Variants in CBLN2 observed in about 807,000 individuals in gnomAD.
The protein encoded by CBLN2 is cerebellin-2.
In CBLN2, 7 loss-of-function variants were observed where a neutral mutation model predicts 15.0. That is an observed-to-expected ratio of 0.47 (90% CI 0.27 to 0.88). CBLN2 has a LOEUF of 0.88. Ranked by LOEUF, CBLN2 falls within the 40% of genes least tolerant of loss-of-function variation. CBLN2 has a pLI of 0.14. For missense variants in CBLN2, 242 were observed against 304.5 expected, an observed-to-expected ratio of 0.79 and a Z score of 1.53; for synonymous variants, 149 against 135.2, an observed-to-expected ratio of 1.10 and a Z score of -0.71.
At chr18:72,618,503 G>A in intron 1 of CBLN2, 2 of 679,154 alleles carry the variant, frequency 2.9e-6, no homozygotes, top group Non-Finnish European at 5.5e-6. Flanking sequence ...CACACAAGGT[G>A]GATGCAAGAG....
intron 1 of CBLN2, among the ~76,000 whole-genome samples, chr18:72,616,191 C>T (rs1040072707): frequency 8.5e-5 from 13 of 152,144 alleles, no homozygotes; most frequent in African/African-American, 2.7e-4. Context: ...TAATATATGA[C>T]CACCCTGCTC....
intron 1 of CBLN2, among the ~76,000 whole-genome samples, chr18:72,594,444 C>G (rs1599015221): frequency 7.2e-6 from 1 of 139,666 alleles, no homozygotes; most frequent in Non-Finnish European, 1.6e-5. Flanking sequence ...CTGTAGTTCT[C>G]TTTTTTTTTT....
intron 1 of CBLN2, among the ~76,000 whole-genome samples, chr18:72,621,142 T>C (rs752655367): frequency 9.9e-5 from 15 of 152,174 alleles, no homozygotes; most frequent in Non-Finnish European, 2.1e-4. Context: ...TTGCCTGGGT[T>C]AGACAACAGC....
At chr18:72,550,589 G>T (rs2069185920) in intron 1 of CBLN2, among the ~76,000 whole-genome samples, 1 of 152,148 alleles carries the variant, frequency 6.6e-6, no homozygotes, top group Non-Finnish European at 1.5e-5. Flanking sequence ...CCTAGACGTT[G>T]AAGCCTAAGC....
At chr18:72,623,803 C>T (rs1171963698) in intron 1 of CBLN2, among the ~76,000 whole-genome samples, 1 of 152,116 alleles carries the variant, frequency 6.6e-6, no homozygotes, top group African/African-American at 2.4e-5. Flanking sequence ...AGAAGTGCTG[C>T]GGCATGACAA....
intron 1 of CBLN2, among the ~76,000 whole-genome samples, chr18:72,575,618 G>A (rs1421236948): frequency 6.6e-6 from 1 of 152,152 alleles, no homozygotes; most frequent in African/African-American, 2.4e-5. Flanking sequence ...GAGGGCTGCC[G>A]GAGAAGCCGG....
At chr18:72,624,204 T>TC (rs1394871607) in intron 1 of CBLN2, among the ~76,000 whole-genome samples, 1 of 151,996 alleles carries the variant, frequency 6.6e-6, no homozygotes, top group African/African-American at 2.4e-5. Flanking sequence ...CCCCTTCTTT[T>TC]TTTTTTTTTA....
chr18:72,578,182 GTAATCT>G (rs1696775591), intron 1 of CBLN2, among the ~76,000 whole-genome samples: 1 of 152,174 alleles, frequency 6.6e-6, no homozygotes, highest in South Asian at 2.1e-4. Context: ...AATGGTAGGT[GTAATCT>G]TAAAGTGTTT....
chr18:72,603,311 A>G (rs1014400003), intron 1 of CBLN2, among the ~76,000 whole-genome samples: 34 of 152,382 alleles, frequency 2.2e-4, no homozygotes, highest in Admixed American at 1.8e-3. Flanking sequence ...AATAACTGAA[A>G]TCATCAGAAT....
rs1485752076 is a variant in CBLN2 at position 72,544,204 on chromosome 18, G to GA, written c.-440_-439insT. ...ACTGGGATGGCTGGGACGAAGAGAG[G>GA]GAAAAAAAAAGCTTGAGAATTTGAT... On this transcript the variant is annotated 5_prime_UTR_variant, in exon 1 of 5. Transcript: ENST00000269503. 154 of 151,994 alleles carry GA rather than the reference G, an allele frequency of 1.0e-3. No individual in the cohort carries two copies. The highest frequency in any genetic ancestry group is 3.6e-3 in the African/African-American group (150 of 41,490). The allele number at this position is 151,994 out of a possible 1,614,324, so 9.4% of individuals were successfully genotyped here. A position where few individuals can be genotyped will look rare whatever the true frequency, so the allele number is the denominator to read the frequency against.
chr18:72,594,031 GAACAGA>G (rs1184495762), intron 1 of CBLN2, among the ~76,000 whole-genome samples: 1 of 152,098 alleles, frequency 6.6e-6, no homozygotes, highest in East Asian at 1.9e-4. Context: ...ACTAACACAG[GAACAGA>G]AAACCAAATA....
At chr18:72,625,558 T>C (rs2069730451) in intron 1 of CBLN2, among the ~76,000 whole-genome samples, 1 of 151,346 alleles carries the variant, frequency 6.6e-6, no homozygotes, top group Non-Finnish European at 1.5e-5. Context: ...TGATACACCA[T>C]AGCAACTATT....
chr18:72,623,964 A>C (rs1404492862), intron 1 of CBLN2, among the ~76,000 whole-genome samples: 2 of 152,170 alleles, frequency 1.3e-5, no homozygotes, highest in Non-Finnish European at 2.9e-5. Context: ...CTGGGAGCTA[A>C]AGTCACCTGG....
At chr18:72,589,826 A>G (rs2069467802) in intron 1 of CBLN2, among the ~76,000 whole-genome samples, 1 of 152,160 alleles carries the variant, frequency 6.6e-6, no homozygotes, top group Admixed American at 6.5e-5. Flanking sequence ...AGTTACTTAA[A>G]AGTTTCAATA....
At chr18:72,542,862 C>T (rs922607439) in intron 2 of CBLN2, 4 of 152,200 alleles carry the variant, frequency 2.6e-5, no homozygotes, top group African/African-American at 9.8e-5. Flanking sequence ...AGAACAAATC[C>T]CAGGAATCTC....
Position 72,541,918 on chromosome 18 carries a change from G to C in CBLN2, c.243C>G (p.Ser81=). The C allele has an allele frequency of 1.2e-6, 2 of 1,608,480 alleles. No homozygotes were observed. Among genetic ancestry groups the C allele is most frequent in the Non-Finnish European group, 1.7e-6 (2 of 1,179,472 alleles). ...SPSADGAVTS[S]LGISVRSGSA... is the part of the protein sequence containing the mutation. ...TGCCGGAGCGCACGGAGATGCCTAG[G>C]GAGGAGGTGACGGCGCCGTCCGCCG... The change falls in exon 3 of 5, where the codon TCC becomes TCG. Residue 81 remains serine, a synonymous_variant. Coordinates refer to ENST00000269503, the MANE Select transcript of CBLN2 (RefSeq NM_182511.4).
intron 3 of CBLN2, chr18:72,539,286 G>A (rs2069091574): frequency 6.5e-6 from 1 of 154,840 alleles, no homozygotes; most frequent in Admixed American, 6.3e-5. Flanking sequence ...GTAAGTTCAA[G>A]CTTGGGACCT....
intron 1 of CBLN2, among the ~76,000 whole-genome samples, chr18:72,576,258 A>G (rs1312875267): frequency 3.3e-5 from 5 of 152,170 alleles, no homozygotes; most frequent in African/African-American, 1.2e-4. Context: ...GACACATAAC[A>G]GACTATGTAG....
At chr18:72,615,277 T>TAA (rs2069652990) in intron 1 of CBLN2, among the ~76,000 whole-genome samples, 4 of 15,278 alleles carry the variant, frequency 2.6e-4, no homozygotes, top group South Asian at 3.5e-3. Flanking sequence ...ATTATATATA[T>TAA]ATATATTTTT....
Sources: gnomAD v4.1 joint callset for allele counts (sites outside exome capture counted in the v4.1 genomes callset) on GRCh38, gnomAD v4.1.1 for gene constraint, MANE v1.5 for transcripts, NCBI Gene and HGNC (gene_info 2026-07-23, HGNC 2026-07-21) for gene names.